MRRF: variants seen among roughly 807,000 people sequenced by gnomAD.
The protein encoded by MRRF is mitochondrial ribosome recycling factor.
Under a neutral mutation model 25.1 loss-of-function variants are expected in MRRF, and 18 were observed. The observed-to-expected ratio is 0.72, with a 90% CI of 0.50 to 1.06. The LOEUF (loss-of-function observed/expected upper bound fraction) is 1.06. Among genes scored for constraint, MRRF ranks in the 50% least tolerant of loss-of-function variants. The pLI, the probability that MRRF is intolerant of heterozygous loss-of-function variation, is 0.00. For synonymous variants in MRRF, 113 were observed against 112.1 expected, an observed-to-expected ratio of 1.01 and a Z score of -0.05; for missense variants, 323 against 319.3, an observed-to-expected ratio of 1.01 and a Z score of -0.09.
At chr9:122,281,676 G>C (rs535991530) in intron 3 of MRRF, among the ~76,000 whole-genome samples, 1 of 152,194 alleles carries the variant, frequency 6.6e-6, no homozygotes, top group African/African-American at 2.4e-5. Context: ...TTTCTGGCCT[G>C]TTAACATTCT....
Position 122,322,796 on chromosome 9 carries a change from G to A in MRRF, c.*179G>A, listed in dbSNP as rs1276311288. On this transcript the variant is annotated 3_prime_UTR_variant, in exon 7 of 7. Transcript: ENST00000344641. ...ACTCAGACATGTTCATTCTCTTCCT[G>A]CTTCTGCTCTGGGCCGGTGGGTGGC... The A allele has an allele frequency of 1.5e-6, 1 of 686,444 alleles. No homozygotes were observed. Among genetic ancestry groups the A allele is most frequent in the African/African-American group, 1.8e-5 (1 of 56,554 alleles). 42.5% of individuals were successfully genotyped at this position (686,444 alleles called of 1,614,324 possible).
intron 2 of MRRF, among the ~76,000 whole-genome samples, chr9:122,277,733 G>T (rs1053567967): frequency 2.0e-5 from 3 of 152,094 alleles, no homozygotes; most frequent in Non-Finnish European, 4.4e-5. Flanking sequence ...TGTATTTTTA[G>T]TAGAGATGGT....
At chr9:122,294,359 G>A (rs552127712) in intron 5 of MRRF, among the ~76,000 whole-genome samples, 7 of 152,308 alleles carry the variant, frequency 4.6e-5, no homozygotes, top group African/African-American at 1.4e-4. Context: ...TCGGTGCATT[G>A]TATGTAAGTT....
At chr9:122,301,513 T>C (rs191602169) in intron 5 of MRRF, among the ~76,000 whole-genome samples, 1 of 152,246 alleles carries the variant, frequency 6.6e-6, no homozygotes, top group African/African-American at 2.4e-5. Flanking sequence ...GATCATAGAA[T>C]ATTTACTTTT....
At chr9:122,299,592 G>A (rs1223603496) in intron 5 of MRRF, among the ~76,000 whole-genome samples, 1 of 152,030 alleles carries the variant, frequency 6.6e-6, no homozygotes, top group Non-Finnish European at 1.5e-5. Context: ...GATTACTTTA[G>A]AGATTAAATA....
chr9:122,320,232 G>A (rs1254337009), intron 6 of MRRF, among the ~76,000 whole-genome samples: 2 of 152,116 alleles, frequency 1.3e-5, no homozygotes, highest in Non-Finnish European at 2.9e-5. Flanking sequence ...ATAGTAACAA[G>A]AAATAGCAAA....
chr9:122,302,133 ACAAGTATTGTT>A (rs1834509580), intron 5 of MRRF, among the ~76,000 whole-genome samples: 1 of 152,270 alleles, frequency 6.6e-6, no homozygotes, highest in Admixed American at 6.5e-5. Flanking sequence ...TACCTAGGAT[ACAAGTATTGTT>A]CAATGTTGAG....
intron 2 of MRRF, among the ~76,000 whole-genome samples, chr9:122,276,876 T>C (rs953868766): frequency 6.6e-6 from 1 of 152,200 alleles, no homozygotes; most frequent in Non-Finnish European, 1.5e-5. Context: ...TCTCCTTTTT[T>C]GTTGTTTTTT....
At chr9:122,295,674 G>A (rs1212849032) in intron 5 of MRRF, among the ~76,000 whole-genome samples, 1 of 152,064 alleles carries the variant, frequency 6.6e-6, no homozygotes, top group East Asian at 1.9e-4. Context: ...TCGAACTCTT[G>A]ACCTCAAGTG....
At chr9:122,298,832 A>C (rs1212979593) in intron 5 of MRRF, among the ~76,000 whole-genome samples, 1 of 152,200 alleles carries the variant, frequency 6.6e-6, no homozygotes, top group African/African-American at 2.4e-5. Context: ...TCTGTAGAGA[A>C]AAATAAGGCA....
chr9:122,308,384 TC>T (rs369998001), intron 5 of MRRF, among the ~76,000 whole-genome samples: 10 of 149,392 alleles, frequency 6.7e-5, no homozygotes, highest in Admixed American at 5.3e-4. Flanking sequence ...ACTGTTTTAG[TC>T]TTTTTTTTTT....
chr9:122,285,311 C>G (rs761733638), intron 4 of MRRF, 24 bp downstream of exon 4: 2 of 1,381,818 alleles, frequency 1.4e-6, no homozygotes, highest in African/African-American at 1.4e-5. Flanking sequence ...GCTAAAATCT[C>G]TCTCCGTGGT....
intron 4 of MRRF, chr9:122,285,684 A>G: frequency 3.8e-6 from 4 of 1,051,932 alleles, no homozygotes; most frequent in Non-Finnish European, 5.0e-6. Context: ...ACCTGATACT[A>G]CGATTTTTAT....
intron 5 of MRRF, among the ~76,000 whole-genome samples, chr9:122,308,385 CTTT>C (rs869284152): frequency 4.0e-5 from 5 of 124,182 alleles, no homozygotes; most frequent in African/African-American, 5.9e-5. Flanking sequence ...CTGTTTTAGT[CTTT>C]TTTTTTTTTT....
intron 5 of MRRF, among the ~76,000 whole-genome samples, chr9:122,307,654 C>A (rs141646975): frequency 6.9e-4 from 105 of 152,312 alleles, no homozygotes; most frequent in African/African-American, 2.5e-3. Flanking sequence ...CTTCCACCCT[C>A]TTTGTAATAT....
Position 122,315,936 on chromosome 9 carries a change from C to T in MRRF, c.711+2550C>T, listed in dbSNP as rs529464656. On this transcript the variant is annotated intron_variant, in intron 6 of 6. Transcript: ENST00000344641. ...CCTTCACTCATTAGCACTGGCTTTT[C>T]GCCATCCTCTTCAGATTAAATTTTT... Among the ~76,000 whole-genome samples, 3 of 152,236 alleles carry T rather than the reference C, an allele frequency of 2.0e-5. No individual in the cohort carries two copies. The South Asian group carries it at 6.2e-4, about 32-fold the overall frequency.
At chr9:122,320,117 T>C (rs1004179375) in intron 6 of MRRF, among the ~76,000 whole-genome samples, 12 of 152,002 alleles carry the variant, frequency 7.9e-5, no homozygotes, top group Admixed American at 7.9e-4. Flanking sequence ...CAAGTGATCC[T>C]CCCACCTCAG....
At chr9:122,306,624 G>A (rs1379621513) in intron 5 of MRRF, among the ~76,000 whole-genome samples, 2 of 152,200 alleles carry the variant, frequency 1.3e-5, no homozygotes, top group Admixed American at 6.5e-5. Flanking sequence ...ACTTGTAAGT[G>A]TCAGAGCTGG....
At chr9:122,266,603 G>A (rs1007595591) in intron 1 of MRRF, among the ~76,000 whole-genome samples, 4 of 152,188 alleles carry the variant, frequency 2.6e-5, no homozygotes, top group African/African-American at 9.7e-5. Context: ...AAGAGCCTGC[G>A]TATATGCACA....
Sources: allele counts gnomAD v4.1 joint callset (sites outside exome capture counted in the v4.1 genomes callset), GRCh38; gene constraint gnomAD v4.1.1; transcripts MANE v1.5; gene names NCBI Gene and HGNC (gene_info 2026-07-23, HGNC 2026-07-21).